LRSAM1: variants seen among roughly 807,000 people sequenced by gnomAD.
The protein encoded by LRSAM1 is E3 ubiquitin-protein ligase LRSAM1.
A neutral mutation model predicts 118.1 loss-of-function variants in LRSAM1; 96 were observed. That is an observed-to-expected ratio of 0.81 (90% CI 0.69 to 0.96). The LOEUF is 0.96. Ranked by LOEUF, LRSAM1 falls within the 40% of genes least tolerant of loss-of-function variation. LRSAM1 has a pLI of 0.00. For synonymous variants in LRSAM1, 322 were observed against 364.2 expected, an observed-to-expected ratio of 0.88 and a Z score of 1.32; for missense variants, 804 against 915.5, an observed-to-expected ratio of 0.88 and a Z score of 1.57.
chr9:127,462,723 G>A (rs1834794912), intron 9 of LRSAM1, among the ~76,000 whole-genome samples: 2 of 152,038 alleles, frequency 1.3e-5, no homozygotes, highest in African/African-American at 2.4e-5. Flanking sequence ...GCTAATGGAT[G>A]CTGGGCTTCA....
At chr9:127,488,552 G>A (rs151280323) in intron 18 of LRSAM1, among the ~76,000 whole-genome samples, 361 of 151,614 alleles carry the variant, frequency 2.4e-3, no homozygotes, top group African/African-American at 8.3e-3. Flanking sequence ...ATCAGACACC[G>A]TGCCCAGCCT....
rs1835058521 is a variant in LRSAM1, at chr9:127,468,834, A to AAAAAC, written c.619+1008_619+1009insCAAAA. Among the ~76,000 whole-genome samples, 6 of 110,192 alleles carry AAAAAC rather than the reference A, an allele frequency of 5.4e-5. 1 individual carries two copies. The highest frequency in any genetic ancestry group is 3.9e-5 in the Non-Finnish European group (2 of 51,348). 72.3% of individuals were successfully genotyped at this position (110,192 alleles called of 152,430 possible). ...ACAAAAAAAAAAAAAAAAAAAAAAA[A>AAAAAC]AAAAATCAGCCAGGCGTGGTGGCAC... On this transcript the variant is annotated intron_variant, in intron 10 of 25. Transcript: ENST00000300417.
chr9:127,491,097 C>A, intron 19 of LRSAM1, 118 bp from the exon 20 acceptor site: 1 of 832,428 alleles, frequency 1.2e-6, no homozygotes. Flanking sequence ...CATTCCAGAG[C>A]CTCCCCAGCC....
chr9:127,468,367 G>T (rs146389427), intron 10 of LRSAM1, among the ~76,000 whole-genome samples: 1 of 152,098 alleles, frequency 6.6e-6, no homozygotes, highest in African/African-American at 2.4e-5. Flanking sequence ...GGAGGCTGTC[G>T]GGGTCATCCA....
At chr9:127,474,035 C>T (rs1057185843) in intron 11 of LRSAM1, 104 bp downstream of exon 11, 24 of 1,543,594 alleles carry the variant, frequency 1.6e-5, no homozygotes, top group African/African-American at 2.7e-5. Flanking sequence ...TTCAGAGCTG[C>T]AGCTCCCAGA....
In LRSAM1 at chr9:127,489,527, T is replaced by G; in HGVS notation, c.1422+9T>G. ...GGCAGATCAGGAGCCAGGTGAGCGCTGGGGCTGGGGTCCCTGGACCTGCTC... is the reference window on the plus strand; with the variant it reads ...GGCAGATCAGGAGCCAGGTGAGCGCGGGGGCTGGGGTCCCTGGACCTGCTC... On this transcript the variant is annotated intron_variant, in intron 19 of 25. Transcript: ENST00000300417. 1.2e-6 allele frequency: 2 copies of G among 1,603,512 alleles called. No individual in the cohort carries two copies. Among genetic ancestry groups the G allele is most frequent in the African/African-American group, 2.7e-5 (2 of 74,406 alleles).
intron 9 of LRSAM1, among the ~76,000 whole-genome samples, chr9:127,463,989 G>A (rs960122115): frequency 2.0e-5 from 3 of 152,242 alleles, no homozygotes; most frequent in African/African-American, 4.8e-5. Context: ...AAACCAGGCC[G>A]TCTGAAGCTG....
rs559632704 is a variant in LRSAM1, at chr9:127,475,162, G to A, written c.750+1231G>A. On this transcript the variant is annotated intron_variant, in intron 11 of 25. Coordinates refer to ENST00000300417, the MANE Select transcript of LRSAM1 (RefSeq NM_001005373.4). Reference sequence around the variant, plus strand: ...ATTCTCAGAAAATATTTGCAACACAGTCACTGGCTGAAGGATTCGTAGATT... The same window carrying A: ...ATTCTCAGAAAATATTTGCAACACAATCACTGGCTGAAGGATTCGTAGATT... Among the ~76,000 whole-genome samples the A allele has an allele frequency of 3.9e-5, 6 of 152,154 alleles. No individual in the cohort carries two copies. The South Asian group carries it at 1.2e-3, about 32-fold the overall frequency.
At chr9:127,497,388 C>T (rs915429260) in intron 24 of LRSAM1, 54 bp downstream of exon 24, 58 of 1,529,434 alleles carry the variant, frequency 3.8e-5, no homozygotes, top group Non-Finnish European at 5.0e-5. Context: ...TATGTGTGGG[C>T]TCTGGTGGGG....
chr9:127,467,886 A>G (rs1835021518), intron 10 of LRSAM1, 56 bp downstream of exon 10: 1 of 1,504,312 alleles, frequency 6.6e-7, no homozygotes, highest in Admixed American at 2.0e-5. Flanking sequence ...CCCCATGGCC[A>G]CCCTGTGCCA....
At chr9:127,499,754 C>A (rs1262327251) in intron 24 of LRSAM1, among the ~76,000 whole-genome samples, 2 of 151,524 alleles carry the variant, frequency 1.3e-5, no homozygotes, top group African/African-American at 4.9e-5. Context: ...CATGGTGAAA[C>A]CCTGTCTCTA....
At chr9:127,500,983 C>T in intron 24 of LRSAM1, 27 bp from the exon 25 acceptor site, 4 of 1,613,772 alleles carry the variant, frequency 2.5e-6, no homozygotes, top group South Asian at 1.1e-5. Context: ...ATGACCCTGG[C>T]TCAGTCTGTC....
At chr9:127,457,588 A>C (rs956712708) in intron 6 of LRSAM1, among the ~76,000 whole-genome samples, 195 bp downstream of exon 6, 1 of 152,250 alleles carries the variant, frequency 6.6e-6, no homozygotes, top group African/African-American at 2.4e-5. Context: ...ATGACCAGCC[A>C]CAGGCCCTGT....
chr9:127,468,854 T>C (rs1480860293), intron 10 of LRSAM1, among the ~76,000 whole-genome samples: 1 of 140,534 alleles, frequency 7.1e-6, no homozygotes, highest in Non-Finnish European at 1.5e-5. Context: ...CCAGGCGTGG[T>C]GGCACGTGCC....
chr9:127,454,703 C>T, intron 3 of LRSAM1, 104 bp downstream of exon 3: 1 of 1,179,294 alleles, frequency 8.5e-7, no homozygotes, highest in Non-Finnish European at 1.2e-6. Context: ...TTCCCATCTG[C>T]CTCCCCCACC....
chr9:127,502,879 C>G lies in LRSAM1; in HGVS notation c.2152C>G (p.Arg718Gly). The G allele has an allele frequency of 6.2e-7, 1 of 1,605,758 alleles. No homozygotes were observed. Among genetic ancestry groups the G allele is most frequent in the Non-Finnish European group, 8.5e-7 (1 of 1,176,964 alleles). Residue 718 changes from arginine to glycine, a missense_variant, in exon 26 of 26, where the codon CGC becomes GGC. Arg to Gly is a moderately radical substitution (Grantham distance 125). Coordinates refer to ENST00000300417, the MANE Select transcript of LRSAM1 (RefSeq NM_001005373.4). ...CCGCCAGGACATCGCCCAGCGCCTC[C>G]GCATCTACCACAGCAGCTGAGTGCT... ...LCRQDIAQRL[R>G]IYHSS
Position 127,485,736 on chromosome 9 carries a change from C to A in LRSAM1, c.1160C>A (p.Ser387Tyr), listed in dbSNP as rs758094270. 6.8e-6 allele frequency: 11 copies of A among 1,613,960 alleles called. No individual in the cohort carries two copies. Among genetic ancestry groups the A allele is most frequent in the Non-Finnish European group, 9.3e-6 (11 of 1,180,022 alleles). The change falls in exon 17 of 26, where the codon TCC becomes TAC. Residue 387 changes from serine (S) to tyrosine (Y), a missense_variant and splice_region_variant. Physicochemically the swap from Ser to Tyr is moderately radical, Grantham distance 144. Transcript: ENST00000300417. The part of the protein sequence containing the change: ...TESLRRRDVA[S>Y]AMQQMLTESC... ...CTGTCCCCACCTCATGTTCCCACAGCCGCCATGCAGCAGATGCTGACTGAG... is the reference window on the plus strand; with the variant it reads ...CTGTCCCCACCTCATGTTCCCACAGACGCCATGCAGCAGATGCTGACTGAG...
intron 22 of LRSAM1, among the ~76,000 whole-genome samples, 183 bp from the exon 23 acceptor site, chr9:127,495,781 G>C (rs745790728): frequency 1.3e-5 from 2 of 152,192 alleles, no homozygotes; most frequent in Non-Finnish European, 2.9e-5. Context: ...CAGACAGAGC[G>C]GCAGTGAACC....
chr9:127,493,082 G>T (rs538624550), intron 21 of LRSAM1, among the ~76,000 whole-genome samples, 185 bp downstream of exon 21: 1 of 152,290 alleles, frequency 6.6e-6, no homozygotes, highest in East Asian at 1.9e-4. Flanking sequence ...GTTTGTTTGA[G>T]ACAGGGTCTC....
Sources: allele counts gnomAD v4.1 joint callset (sites outside exome capture counted in the v4.1 genomes callset), GRCh38; gene constraint gnomAD v4.1.1; transcripts MANE v1.5; gene names NCBI Gene and HGNC (gene_info 2026-07-23, HGNC 2026-07-21).